The following HIBADH variants were observed in gnomAD, a reference collection of about 807,000 sequenced individuals.
HIBADH encodes 3-hydroxyisobutyrate dehydrogenase, mitochondrial.
A neutral mutation model predicts 36.1 loss-of-function variants in HIBADH; 25 were observed. The ratio of observed to expected loss-of-function variants is 0.69; its 90% CI spans 0.50 to 0.97. The LOEUF (loss-of-function observed/expected upper bound fraction) is 0.97, where lower values mean the gene tolerates loss of function less well. HIBADH is among the 50% of genes least tolerant of loss of function. The pLI is 0.00. For missense variants in HIBADH, 421 were observed against 418.0 expected (o/e 1.01, Z -0.06); for synonymous variants, 160 against 149.5 (o/e 1.07, Z -0.51).
chr7:27,549,641 A>G (rs993135861), intron 4 of HIBADH, among the ~76,000 whole-genome samples: 1 of 152,216 alleles, frequency 6.6e-6, no homozygotes, highest in African/African-American at 2.4e-5. Flanking sequence ...ACATTTTTGC[A>G]TCAAAAATAG....
intron 1 of HIBADH, among the ~76,000 whole-genome samples, chr7:27,656,149 T>C (rs1260406832): frequency 1.3e-5 from 2 of 152,162 alleles, no homozygotes; most frequent in Non-Finnish European, 2.9e-5. Flanking sequence ...TCATCTACTC[T>C]AGTTTGAAAG....
chr7:27,660,830 C>T (rs955815773), intron 1 of HIBADH, among the ~76,000 whole-genome samples: 2 of 152,182 alleles, frequency 1.3e-5, no homozygotes, highest in African/African-American at 2.4e-5. Flanking sequence ...CTAATCAGCA[C>T]TCTGAGGTAG....
In HIBADH at chr7:27,629,331, A is replaced by G. The variant is rs1441432523; in HGVS notation, c.484+40T>C. 4 of 1,585,358 alleles carry G rather than the reference A, an allele frequency of 2.5e-6. No homozygotes were observed. The African/African-American group carries it at 5.4e-5, about 21-fold the overall frequency. ...CAAAACCATAATTGCTACTTTTGAC[A>G]AACATAAATAGGTTTGCATATATTT... On this transcript the variant is annotated intron_variant, in intron 4 of 7. Transcript: ENST00000265395.
intron 4 of HIBADH, among the ~76,000 whole-genome samples, chr7:27,618,794 G>A (rs552807552): frequency 4.5e-4 from 68 of 152,252 alleles, no homozygotes; most frequent in African/African-American, 1.6e-3. Context: ...TCTCATAGTG[G>A]AAGGCAAAGG....
intron 4 of HIBADH, 59 bp downstream of exon 4, chr7:27,629,312 C>A: frequency 1.3e-6 from 2 of 1,544,226 alleles, no homozygotes; most frequent in Non-Finnish European, 8.8e-7. Flanking sequence ...ACAACAAAAC[C>A]ATAATTGCTA....
intron 4 of HIBADH, among the ~76,000 whole-genome samples, chr7:27,621,606 A>G (rs1403223549): frequency 6.6e-6 from 1 of 152,104 alleles, no homozygotes; most frequent in East Asian, 1.9e-4. Context: ...AGCCTGACCA[A>G]CACAGTGAAA....
intron 4 of HIBADH, among the ~76,000 whole-genome samples, chr7:27,573,228 G>C (rs946066442): frequency 6.6e-6 from 1 of 152,102 alleles, no homozygotes; most frequent in Non-Finnish European, 1.5e-5. Context: ...TCTCAACTTT[G>C]AATACTATCT....
intron 4 of HIBADH, among the ~76,000 whole-genome samples, chr7:27,556,661 T>A (rs1244346037): frequency 1.3e-5 from 2 of 152,334 alleles, no homozygotes; most frequent in East Asian, 3.9e-4. Context: ...TATTAAAGAA[T>A]TCATTTCCCC....
At chr7:27,660,643 C>T (rs1173596981) in intron 1 of HIBADH, among the ~76,000 whole-genome samples, 1 of 148,084 alleles carries the variant, frequency 6.8e-6, no homozygotes, top group Admixed American at 6.8e-5. Flanking sequence ...CTAGCCTGGG[C>T]GACAGACAAA....
intron 1 of HIBADH, among the ~76,000 whole-genome samples, chr7:27,654,320 G>A (rs1204547589): frequency 6.6e-6 from 1 of 152,138 alleles, no homozygotes; most frequent in Non-Finnish European, 1.5e-5. Context: ...AAATATGTGT[G>A]AAGAACAAAT....
rs145693711 is a variant in HIBADH, at chr7:27,658,439, T to C, written c.91+4259A>G. ...CAAAGTTTGTTTCTAAATTTATAGA[T>C]GCAAATTTACCGATTATGACCTCTT... is the stretch of plus-strand genomic sequence containing the variant. On this transcript the variant is annotated intron_variant, in intron 1 of 7. Transcript: ENST00000265395. Among the ~76,000 whole-genome samples the C allele has an allele frequency of 2.1e-3, 314 of 152,302 alleles. 2 individuals are homozygous for C. The highest frequency in any genetic ancestry group is 3.1e-3 in the Non-Finnish European group (209 of 68,022).
intron 4 of HIBADH, among the ~76,000 whole-genome samples, chr7:27,617,962 C>T (rs753766804): frequency 1.3e-5 from 2 of 152,144 alleles, no homozygotes; most frequent in African/African-American, 2.4e-5. Flanking sequence ...TGGTGCAGTG[C>T]GCTGAAAGGC....
At chr7:27,555,290 T>C (rs1359471593) in intron 4 of HIBADH, among the ~76,000 whole-genome samples, 2 of 144,340 alleles carry the variant, frequency 1.4e-5, no homozygotes, top group Admixed American at 7.4e-5. Context: ...AAAAGGAACA[T>C]TTCTTGCTCT....
At chr7:27,607,891 T>A (rs1432119118) in intron 4 of HIBADH, among the ~76,000 whole-genome samples, 1 of 152,206 alleles carries the variant, frequency 6.6e-6, no homozygotes, top group African/African-American at 2.4e-5. Context: ...TATTTCAGTG[T>A]CTGCCAAGAC....
intron 4 of HIBADH, among the ~76,000 whole-genome samples, chr7:27,580,093 G>A (rs991638978): frequency 5.3e-5 from 8 of 152,132 alleles, no homozygotes; most frequent in African/African-American, 1.2e-4. Context: ...TGTTTTCTAC[G>A]ATTTTTCATG....
At chr7:27,566,613 T>G (rs1163467745) in intron 4 of HIBADH, among the ~76,000 whole-genome samples, 4 of 152,144 alleles carry the variant, frequency 2.6e-5, no homozygotes, top group Non-Finnish European at 4.4e-5. Flanking sequence ...ACTTTTCTTT[T>G]TCTAGTTTCT....
At chr7:27,538,820 GCA>G (rs1438243655) in intron 5 of HIBADH, among the ~76,000 whole-genome samples, 2 of 152,100 alleles carry the variant, frequency 1.3e-5, no homozygotes, top group African/African-American at 4.8e-5. Context: ...GGAGTTCAGA[GCA>G]ACAAGACCAC....
chr7:27,612,871 C>T (rs969902363), intron 4 of HIBADH, among the ~76,000 whole-genome samples: 37 of 146,442 alleles, frequency 2.5e-4, no homozygotes, highest in African/African-American at 9.3e-4. Flanking sequence ...TGCTTGAACC[C>T]AGGAGTTCAA....
intron 2 of HIBADH, among the ~76,000 whole-genome samples, chr7:27,641,331 T>G (rs984381325): frequency 6.6e-6 from 1 of 152,188 alleles, no homozygotes; most frequent in Admixed American, 6.5e-5. Flanking sequence ...TGGTGGGGTG[T>G]TGGGGGATGG....
Sources: allele counts gnomAD v4.1 joint callset (sites outside exome capture counted in the v4.1 genomes callset), GRCh38; gene constraint gnomAD v4.1.1; transcripts MANE v1.5; gene names NCBI Gene and HGNC (gene_info 2026-07-23, HGNC 2026-07-21).